The following COL22A1 variants were observed in gnomAD, a reference collection of about 807,000 sequenced individuals.
The protein encoded by COL22A1 is collagen alpha-1(XXII) chain.
In COL22A1, 221 loss-of-function variants were observed where a neutral mutation model predicts 248.9. That is an observed-to-expected ratio of 0.89 (90% confidence interval 0.80 to 0.99). The LOEUF (loss-of-function observed/expected upper bound fraction) is 0.99. Among genes scored for constraint, COL22A1 ranks in the 50% least tolerant of loss-of-function variants. The probability of loss-of-function intolerance (pLI) is 0.00; values close to 1 mark genes in which losing one functional copy is unlikely to be tolerated. For missense variants in COL22A1, 2,240 were observed against 2,179.0 expected, an observed-to-expected ratio of 1.03 and a Z score of -0.56; for synonymous variants, 891 against 793.4, an observed-to-expected ratio of 1.12 and a Z score of -2.07.
At chr8:138,644,508 C>A (rs1333159300) in intron 47 of COL22A1, among the ~76,000 whole-genome samples, 1 of 151,772 alleles carries the variant, frequency 6.6e-6, no homozygotes, top group African/African-American at 2.4e-5. Context: ...GCCAAGGAGA[C>A]CCAGAAAATC....
At chr8:138,693,884 A>T (rs1827282508) in intron 34 of COL22A1, among the ~76,000 whole-genome samples, 185 bp from the exon 35 acceptor site, 2 of 152,086 alleles carry the variant, frequency 1.3e-5, no homozygotes, top group Non-Finnish European at 2.9e-5. Flanking sequence ...GGAGATGGTC[A>T]TATCGCGATT....
intron 30 of COL22A1, among the ~76,000 whole-genome samples, chr8:138,712,832 G>C (rs5008927): frequency 0.3 from 45,673 of 151,290 alleles, 7,069 homozygotes; most frequent in Non-Finnish European, 0.35. Context: ...TGTTCTACCA[G>C]CAGAGGGTAA....
intron 23 of COL22A1, among the ~76,000 whole-genome samples, chr8:138,735,691 G>A (rs1831053449): frequency 6.6e-6 from 1 of 152,170 alleles, no homozygotes; most frequent in Non-Finnish European, 1.5e-5. Flanking sequence ...GAAATCTTTA[G>A]AACACTGTGA....
chr8:138,865,855 G>A (rs1019551338), intron 3 of COL22A1, among the ~76,000 whole-genome samples: 5 of 151,184 alleles, frequency 3.3e-5, no homozygotes, highest in Admixed American at 2.0e-4. Context: ...GTGAGTGTAC[G>A]TGTGTGTATG....
At chr8:138,595,215 C>T (rs1394894471) in intron 62 of COL22A1, among the ~76,000 whole-genome samples, 1 of 152,160 alleles carries the variant, frequency 6.6e-6, no homozygotes, top group African/African-American at 2.4e-5. Flanking sequence ...TACTACTCCT[C>T]TCACAAGGTG....
In COL22A1 at chr8:138,589,328, T is replaced by C. The variant is rs1564067409; in HGVS notation, c.4806A>G (p.Pro1602=). Residue 1602 remains proline (P), a synonymous_variant, in exon 65 of 65, where the codon CCA becomes CCG. Transcript: ENST00000303045. ...CACACTGGGAAGGGTCACATTGGCC[T>C]GGGGGACCGGGAGGTCCTGGGAGGC... ...HPGLPGPPGP[P]GQCDPSQCAY... The C allele has an allele frequency of 1.2e-5, 20 of 1,613,034 alleles. No homozygotes were observed. Among genetic ancestry groups the C allele is most frequent in the Non-Finnish European group, 1.7e-5 (20 of 1,179,590 alleles).
At chr8:138,892,886 A>T (rs1310441214) in intron 1 of COL22A1, among the ~76,000 whole-genome samples, 1 of 152,208 alleles carries the variant, frequency 6.6e-6, no homozygotes, top group Non-Finnish European at 1.5e-5. Flanking sequence ...GGAATGAGGC[A>T]CTGCTGATGT....
At chr8:138,667,308 G>A (rs547775464) in intron 41 of COL22A1, among the ~76,000 whole-genome samples, 20 of 152,250 alleles carry the variant, frequency 1.3e-4, no homozygotes, top group African/African-American at 4.8e-4. Flanking sequence ...AGAAATGACT[G>A]ATCAGAGACC....
At chr8:138,890,818 G>C (rs1290930165) in intron 1 of COL22A1, among the ~76,000 whole-genome samples, 1 of 151,748 alleles carries the variant, frequency 6.6e-6, no homozygotes, top group East Asian at 1.9e-4. Context: ...TTCGAGACCA[G>C]CATGGGCAAC....
At position 138,812,925 on chromosome 8, in the gene COL22A1, G is replaced by A. The variant is rs372387055; in HGVS notation, c.1326+14C>T. On this transcript the variant is annotated intron_variant, in intron 8 of 64. Coordinates refer to ENST00000303045, the MANE Select transcript of COL22A1 (RefSeq NM_152888.3). ...CCATTTCCTCCCATCCTCTCTGTGC[G>A]AGAGTCTGCTCACCGGACCCGAGGG... The A allele has an allele frequency of 8.8e-6, 14 of 1,599,934 alleles. No individual in the cohort carries two copies. Among genetic ancestry groups the A allele is most frequent in the African/African-American group, 5.4e-5 (4 of 74,594 alleles).
At chr8:138,758,319 C>A (rs941668629) in intron 18 of COL22A1, among the ~76,000 whole-genome samples, 3 of 152,178 alleles carry the variant, frequency 2.0e-5, no homozygotes, top group Non-Finnish European at 4.4e-5. Flanking sequence ...TCCAGCCATG[C>A]CATTCCCAGA....
intron 16 of COL22A1, among the ~76,000 whole-genome samples, chr8:138,767,799 C>T (rs939174219): frequency 6.6e-6 from 1 of 152,102 alleles, no homozygotes; most frequent in Admixed American, 6.5e-5. Context: ...AGAGGGCGCC[C>T]CCACTCCACT....
chr8:138,664,231 A>G (rs1227358768), intron 41 of COL22A1, among the ~76,000 whole-genome samples: 196 of 149,684 alleles, frequency 1.3e-3, no homozygotes, highest in East Asian at 2.6e-3. Context: ...ACACACACAC[A>G]CACACACACA....
At chr8:138,593,245 A>G (rs1018496385) in intron 63 of COL22A1, among the ~76,000 whole-genome samples, 5 of 152,100 alleles carry the variant, frequency 3.3e-5, no homozygotes, top group Non-Finnish European at 7.4e-5. Flanking sequence ...GACAGAGGGC[A>G]TTAGGACAAA....
chr8:138,857,568 C>A (rs1480011017), intron 3 of COL22A1, among the ~76,000 whole-genome samples: 1 of 152,176 alleles, frequency 6.6e-6, no homozygotes, highest in Non-Finnish European at 1.5e-5. Context: ...TGTCCAGGCC[C>A]CTCCTGCTCC....
chr8:138,709,233 T>A (rs897889600), intron 30 of COL22A1, among the ~76,000 whole-genome samples: 1 of 152,210 alleles, frequency 6.6e-6, no homozygotes, highest in Non-Finnish European at 1.5e-5. Context: ...AGTGTGGCGA[T>A]TCCTCAAGGA....
At chr8:138,636,715 A>C (rs746651489) in intron 48 of COL22A1, 27 bp downstream of exon 48, 2 of 1,576,628 alleles carry the variant, frequency 1.3e-6, no homozygotes, top group Non-Finnish European at 1.7e-6. Flanking sequence ...CTCAGGGTGA[A>C]TGGTTCCTTA....
At position 138,775,955 on chromosome 8, in the gene COL22A1, A is replaced by T; in HGVS notation, c.1803+11T>A. On this transcript the variant is annotated intron_variant, in intron 16 of 64. Coordinates refer to ENST00000303045, the MANE Select transcript of COL22A1 (RefSeq NM_152888.3). Reference sequence around the variant, plus strand: ...AAGCCGTATTGATGAATGAGTGCAGACTATAAATACCTTTTCTCCTCGAGT... The same window carrying T: ...AAGCCGTATTGATGAATGAGTGCAGTCTATAAATACCTTTTCTCCTCGAGT... The T allele has an allele frequency of 6.2e-7, 1 of 1,613,794 alleles. No homozygotes were observed.
At chr8:138,674,316 T>C (rs912373744) in intron 41 of COL22A1, among the ~76,000 whole-genome samples, 2 of 152,240 alleles carry the variant, frequency 1.3e-5, no homozygotes, top group Non-Finnish European at 2.9e-5. Context: ...CCCAGTGAAC[T>C]TGACATGTAC....
Sources: allele counts gnomAD v4.1 joint callset (sites outside exome capture counted in the v4.1 genomes callset), GRCh38; gene constraint gnomAD v4.1.1; transcripts MANE v1.5; gene names NCBI Gene and HGNC (gene_info 2026-07-23, HGNC 2026-07-21).